The following USP43 variants were observed in gnomAD, a reference collection of about 807,000 sequenced individuals.
USP43 encodes the protein ubiquitin specific peptidase 43, also known as ubiquitin carboxyl-terminal hydrolase 43.
USP43 carries 33 observed loss-of-function variants against 90.7 expected under a neutral mutation model. The ratio of observed to expected loss-of-function variants is 0.36; its 90% CI spans 0.28 to 0.49. The LOEUF is 0.49. Among genes scored for constraint, USP43 ranks in the 20% least tolerant of loss-of-function variants. The pLI, the probability that USP43 is intolerant of heterozygous loss-of-function variation, is 0.98. For synonymous variants in USP43, 598 were observed against 615.8 expected (o/e 0.97, Z 0.43); for missense variants, 1,274 against 1,476.4 (o/e 0.86, Z 2.25).
intron 3 of USP43, among the ~76,000 whole-genome samples, chr17:9,667,133 A>G (rs1231563679): frequency 6.6e-6 from 1 of 152,110 alleles, no homozygotes; most frequent in Non-Finnish European, 1.5e-5. Context: ...CAAGAGTTCC[A>G]AGCGTTATGG....
chr17:9,701,001 G>A lies in USP43; in HGVS notation c.1536-118G>A. The A allele has an allele frequency of 7.7e-7, 1 of 1,301,798 alleles. No homozygotes were observed. The highest frequency in any genetic ancestry group is 1.0e-6 in the Non-Finnish European group (1 of 1,004,844). 80.6% of individuals were successfully genotyped at this position (1,301,798 alleles called of 1,614,324 possible). ...CAGCTCTCCAGGAACCCATAGGCAG[G>A]GCACGGTAGTGTGGCCTGGCCAATG... On this transcript the variant is annotated intron_variant, in intron 10 of 14. Coordinates refer to ENST00000285199, the MANE Select transcript of USP43 (RefSeq NM_153210.5). This position sits in a 1 kb window ranked among gnomAD's most constrained non-coding sequence, Gnocchi z 7.2.
At chr17:9,708,240 G>C (rs1314721827) in intron 12 of USP43, among the ~76,000 whole-genome samples, 1 of 152,214 alleles carries the variant, frequency 6.6e-6, no homozygotes, top group Non-Finnish European at 1.5e-5. Flanking sequence ...CCACGGATGG[G>C]AGTTTGCATT....
Position 9,700,765 on chromosome 17 carries a change from T to C in USP43, c.1536-354T>C, listed in dbSNP as rs973310223. Among the ~76,000 whole-genome samples the C allele has an allele frequency of 1.4e-4, 21 of 152,286 alleles. 1 individual carries two copies. Among genetic ancestry groups the C allele is most frequent in the African/African-American group, 5.1e-4 (21 of 41,542 alleles). ...GAGTCCATGCTCCTCATCACCATAC[T>C]TGGCTACCTCTGTAACACTGAGGGC... On this transcript the variant is annotated intron_variant, in intron 10 of 14. Coordinates refer to ENST00000285199, the MANE Select transcript of USP43 (RefSeq NM_153210.5).
intron 6 of USP43, among the ~76,000 whole-genome samples, chr17:9,680,711 A>T (rs73975788): frequency 0.013 from 1,903 of 152,182 alleles, 37 homozygotes; most frequent in African/African-American, 0.043. Context: ...CTGCTGGTCC[A>T]GGAACCACAC....
intron 14 of USP43, among the ~76,000 whole-genome samples, chr17:9,716,447 A>G (rs1042556192): frequency 6.6e-6 from 1 of 152,132 alleles, no homozygotes; most frequent in African/African-American, 2.4e-5. Flanking sequence ...ATCTCTCTCA[A>G]TCATGACTGT....
At chr17:9,661,210 A>G (rs1268087333) in intron 2 of USP43, among the ~76,000 whole-genome samples, 2 of 152,152 alleles carry the variant, frequency 1.3e-5, no homozygotes, top group African/African-American at 2.4e-5. Flanking sequence ...TCTTTTTGTC[A>G]GTTTGCTTTC....
intron 9 of USP43, among the ~76,000 whole-genome samples, chr17:9,697,649 G>T (rs1915353206): frequency 6.7e-6 from 1 of 150,142 alleles, no homozygotes. Flanking sequence ...CCATGTTGCT[G>T]CAAAGAAACA....
chr17:9,697,083 G>A (rs912324812), intron 9 of USP43, among the ~76,000 whole-genome samples: 2 of 152,196 alleles, frequency 1.3e-5, no homozygotes, highest in African/African-American at 4.8e-5. Context: ...CAGGCATGGT[G>A]GCACACACCT....
chr17:9,709,969 C>T lies in USP43; in HGVS notation c.2025C>T (p.Asn675=). 2 of 1,478,072 alleles carry T rather than the reference C, an allele frequency of 1.4e-6. No individual in the cohort carries two copies. The highest frequency in any genetic ancestry group is 1.8e-6 in the Non-Finnish European group (2 of 1,110,874). 91.6% of individuals were successfully genotyped at this position (1,478,072 alleles called of 1,614,324 possible). The change falls in exon 13 of 15, where the codon AAC becomes AAT. Residue 675 remains asparagine, a synonymous_variant. Transcript: ENST00000285199. This position sits in a 1 kb window ranked among gnomAD's most constrained non-coding sequence, Gnocchi z 5.0. ...GGACCTTTGCAGCCTACTGCCGGAA[C>T]TCTCTGGATGGCCAGTGGTACAGTT... ...QGGHYTAYCR[N]SLDGQWYSYD...
chr17:9,724,871 C>T (rs882426), intron 14 of USP43, among the ~76,000 whole-genome samples: 28,811 of 151,670 alleles, frequency 0.19, 4,039 homozygotes, highest in East Asian at 0.72. Context: ...GTATGAAGCA[C>T]GATGGAAGCC....
intron 2 of USP43, among the ~76,000 whole-genome samples, chr17:9,661,360 T>A (rs2151965856): frequency 6.6e-6 from 1 of 152,152 alleles, no homozygotes; most frequent in African/African-American, 2.4e-5. Flanking sequence ...TTATTTTTAT[T>A]TATTTATTTT....
chr17:9,710,500 CTTTTTT>C (rs753636549), intron 13 of USP43, among the ~76,000 whole-genome samples: 2 of 86,038 alleles, frequency 2.3e-5, no homozygotes, highest in African/African-American at 5.4e-5. Context: ...GGAAAGGTAG[CTTTTTT>C]TTTTTTTTTT....
intron 12 of USP43, among the ~76,000 whole-genome samples, chr17:9,707,942 C>T (rs531501856): frequency 2.0e-5 from 3 of 152,322 alleles, no homozygotes; most frequent in Admixed American, 6.5e-5. Flanking sequence ...CATTTTAGCA[C>T]TTTCACTACC....
rs993250504 is a variant in USP43 at position 9,692,264 on chromosome 17, C to T, written c.1354-863C>T. 7.3e-5 allele frequency among the ~76,000 whole-genome samples: 11 copies of T among 151,088 alleles called. No individual in the cohort carries two copies. In the East Asian group the frequency reaches 1.4e-3, roughly 19 times the overall value. On this transcript the variant is annotated intron_variant, in intron 8 of 14. Coordinates refer to ENST00000285199, the MANE Select transcript of USP43 (RefSeq NM_153210.5). ...ATTCCAGCTACTCAGGAGGCTGAGG[C>T]AGGAGAATCACCTGAACTCAGGAGG... is the stretch of plus-strand genomic sequence containing the variant.
rs764930248 is a variant in USP43 at position 9,710,016 on chromosome 17, C to T, written c.2072C>T (p.Pro691Leu). The change falls in exon 13 of 15, where the codon CCG becomes CTG. Residue 691 changes from proline to leucine, a missense_variant. This residue lies in a region of USP43 where 285 missense variants were observed against 349.6 expected (regional missense o/e 0.82). Coordinates refer to ENST00000285199, the MANE Select transcript of USP43 (RefSeq NM_153210.5). ...AGTTATGATGACAGCACGGTGGAAC[C>T]GCTTCGAGAAGATGAGGTCAACACC... is the stretch of plus-strand genomic sequence containing the variant. ...WYSYDDSTVE[P>L]LREDEVNTRG... The T allele has an allele frequency of 2.8e-5, 44 of 1,571,308 alleles. No individual in the cohort carries two copies. The highest frequency in any genetic ancestry group is 3.4e-4 in the Middle Eastern group (2 of 5,962).
At chr17:9,677,589 A>C (rs915402975) in intron 5 of USP43, among the ~76,000 whole-genome samples, 2 of 152,176 alleles carry the variant, frequency 1.3e-5, no homozygotes, top group Non-Finnish European at 2.9e-5. Flanking sequence ...AATAGGGAGG[A>C]GGCCGTGGTG....
intron 4 of USP43, 128 bp from the exon 5 acceptor site, chr17:9,676,618 T>C: frequency 8.3e-7 from 1 of 1,205,568 alleles, no homozygotes; most frequent in South Asian, 1.8e-5. Context: ...GTGATCCACC[T>C]GCTTCAGCCT....
At chr17:9,707,595 C>T (rs1003489867) in intron 12 of USP43, among the ~76,000 whole-genome samples, 10 of 143,484 alleles carry the variant, frequency 7.0e-5, no homozygotes, top group African/African-American at 1.9e-4. Flanking sequence ...TGCAGTGAGC[C>T]GAGATCATGC....
At chr17:9,723,529 TCCCC>T (rs1567685969) in intron 14 of USP43, among the ~76,000 whole-genome samples, 12 of 23,482 alleles carry the variant, frequency 5.1e-4, no homozygotes, top group African/African-American at 2.0e-3. Context: ...TCCCTTCCCC[TCCCC>T]TCCCCTCCCC....
Sources: allele counts gnomAD v4.1 joint callset (sites outside exome capture counted in the v4.1 genomes callset), GRCh38; gene constraint gnomAD v4.1.1; regional missense constraint gnomAD v4.1.1; non-coding constraint Gnocchi (gnomAD v3.1); transcripts MANE v1.5; gene names NCBI Gene and HGNC (gene_info 2026-07-23, HGNC 2026-07-21).